Variants in TLE6 observed in about 807,000 individuals in gnomAD.
TLE6 encodes TLE family member 6, subcortical maternal complex member, also known as transducin-like enhancer protein 6.
TLE6 carries 72 observed loss-of-function variants against 77.1 expected under a neutral mutation model. The ratio of observed to expected loss-of-function variants is 0.93; its 90% CI spans 0.77 to 1.14. The LOEUF is 1.14. Ranked by LOEUF, TLE6 falls within the 50% of genes most tolerant of loss-of-function variation. The probability of loss-of-function intolerance (pLI) is 0.00; values close to 1 mark genes in which losing one functional copy is unlikely to be tolerated. For missense variants in TLE6, 843 were observed against 747.6 expected (o/e 1.13, Z -1.49); for synonymous variants, 366 against 287.3 (o/e 1.27, Z -2.77).
rs372329558 is a variant in TLE6, at chr19:2,995,046, TCC to T, written c.*49_*50del. On this transcript the variant is annotated 3_prime_UTR_variant, in exon 17 of 17. Coordinates refer to ENST00000246112, the MANE Select transcript of TLE6 (RefSeq NM_001143986.2). ...CATCCCACTCCGGCTCCTCTTTTCA[TCC>T]CCCCCCTTCCCCCCCCCCAACAAGG... The T allele has an allele frequency of 5.0e-6, 5 of 996,058 alleles. No homozygotes were observed. The African/African-American group carries it at 9.4e-5, about 19-fold the overall frequency. The allele number at this position is 996,058 out of a possible 1,614,324, so 61.7% of individuals were successfully genotyped here. A position where few individuals can be genotyped will look rare whatever the true frequency, so the allele number is the denominator to read the frequency against.
intron 13 of TLE6, 65 bp downstream of exon 13, chr19:2,989,850 C>G (rs2089006010): frequency 6.3e-7 from 1 of 1,584,826 alleles, no homozygotes; most frequent in Non-Finnish European, 8.6e-7. Context: ...CTCTGCCCAC[C>G]TTACTGCTAC....
intron 2 of TLE6, among the ~76,000 whole-genome samples, chr19:2,979,103 A>C (rs2088741678): frequency 6.6e-6 from 1 of 151,326 alleles, no homozygotes; most frequent in Non-Finnish European, 1.5e-5. Flanking sequence ...AGCACCTGCC[A>C]CCATGACCAC....
Position 2,988,111 on chromosome 19 carries a change from T to C in TLE6, c.723T>C (p.Ser241=), listed in dbSNP as rs1163885742. The C allele has an allele frequency of 6.4e-7, 1 of 1,551,930 alleles. No homozygotes were observed. Among genetic ancestry groups the C allele is most frequent in the South Asian group, 1.2e-5 (1 of 84,114 alleles). The change falls in exon 11 of 17, where the codon TCT becomes TCC. Residue 241 remains serine (S), a synonymous_variant. Transcript: ENST00000246112. ...TGCAGGAGCCTCCTGGAAGAGCCTCTCGGTTTCTACAGTCCATGTAAGTGT... is the reference window on the plus strand; with the variant it reads ...TGCAGGAGCCTCCTGGAAGAGCCTCCCGGTTTCTACAGTCCATGTAAGTGT... The part of the protein sequence containing the change: ...GVVQEPPGRA[S]RFLQSISWDP...
chr19:2,981,049 T>TCA (rs1555683840), intron 3 of TLE6, among the ~76,000 whole-genome samples: 1 of 141,762 alleles, frequency 7.1e-6, no homozygotes, highest in African/African-American at 2.6e-5. Context: ...AGATTCTGTT[T>TCA]AAAAAAAAAA....
At chr19:2,994,803 T>G (rs920055434) in intron 16 of TLE6, 97 bp from the exon 17 acceptor site, 41 of 687,460 alleles carry the variant, frequency 6.0e-5, no homozygotes, top group Non-Finnish European at 8.9e-5. Flanking sequence ...GACCCTGTCT[T>G]TCTTTGAAGA....
chr19:2,981,725 C>G, intron 4 of TLE6, 142 bp downstream of exon 4: 2 of 932,560 alleles, frequency 2.1e-6, no homozygotes, highest in East Asian at 2.7e-5. Context: ...AATCCCAGCA[C>G]TATGGGAGGG....
intron 14 of TLE6, among the ~76,000 whole-genome samples, 154 bp from the exon 15 acceptor site, chr19:2,993,278 T>G (rs2089126195): frequency 6.6e-6 from 1 of 152,162 alleles, no homozygotes; most frequent in African/African-American, 2.4e-5. Flanking sequence ...ACCAACAAAC[T>G]GAGGCACAGA....
chr19:2,991,035 TAC>T (rs1465153708), intron 13 of TLE6, among the ~76,000 whole-genome samples: 19,660 of 139,226 alleles, frequency 0.14, 1,665 homozygotes, highest in Non-Finnish European at 0.2. Flanking sequence ...CATACATACA[TAC>T]ATACATATAT....
intron 11 of TLE6, 126 bp downstream of exon 11, chr19:2,988,254 C>T (rs752507729): frequency 1.8e-4 from 190 of 1,056,392 alleles, no homozygotes; most frequent in Non-Finnish European, 2.5e-4. Context: ...CTTTTCCCAT[C>T]ACTACTCTGC....
Position 2,994,073 on chromosome 19 carries a change from C to G in TLE6, c.1592C>G (p.Pro531Arg). 6.2e-7 allele frequency: 1 copy of G among 1,606,474 alleles called. No individual in the cohort carries two copies. Reference sequence around the variant, plus strand: ...GACTTCCTTGGCGTCTACAGCATGCCGGCGGGGACAAAAGTGTTCGAGGTA... The same window carrying G: ...GACTTCCTTGGCGTCTACAGCATGCGGGCGGGGACAAAAGTGTTCGAGGTA... ...MDDFLGVYSM[P>R]AGTKVFEVPE... The change falls in exon 16 of 17, where the codon CCG becomes CGG. Residue 531 changes from proline (P) to arginine (R), a missense_variant. By Grantham distance (103) the Pro-to-Arg change is moderately radical. Transcript: ENST00000246112.
chr19:2,983,839 TGAG>T (rs945801615), intron 5 of TLE6: 3 of 152,454 alleles, frequency 2.0e-5, no homozygotes, highest in Non-Finnish European at 4.4e-5. Context: ...TGCTTAGTGA[TGAG>T]AAGTAATTGA....
chr19:2,991,819 C>A, intron 13 of TLE6, 24 bp from the exon 14 acceptor site: 2 of 1,611,928 alleles, frequency 1.2e-6, no homozygotes, highest in Non-Finnish European at 1.7e-6. Context: ...GACCTGATTG[C>A]CTCCCGATGT....
At chr19:2,986,741 C>T (rs764673021) in intron 5 of TLE6, 88 bp from the exon 6 acceptor site, 1 of 1,306,434 alleles carries the variant, frequency 7.7e-7, no homozygotes, top group Non-Finnish European at 1.1e-6. Flanking sequence ...GATATACCTT[C>T]TTCTACAGGT....
chr19:2,981,665 G>C, intron 4 of TLE6, 82 bp downstream of exon 4: 1 of 1,412,848 alleles, frequency 7.1e-7, no homozygotes, highest in Non-Finnish European at 9.8e-7. Context: ...CCTGCCTCCT[G>C]AGTGCCCTAG....
intron 13 of TLE6, among the ~76,000 whole-genome samples, chr19:2,991,391 T>TACACAC (rs1362277911): frequency 1.3e-3 from 144 of 114,830 alleles, no homozygotes; most frequent in African/African-American, 5.1e-3. Context: ...TATATATATA[T>TACACAC]ATATACACAC....
intron 2 of TLE6, 50 bp downstream of exon 2, chr19:2,978,334 A>T: frequency 6.5e-7 from 1 of 1,541,872 alleles, no homozygotes; most frequent in Non-Finnish European, 8.8e-7. Context: ...CCCGGGCCCA[A>T]TGTGGTTCTG....
rs748328533 is a variant in TLE6 at position 2,989,606 on chromosome 19, C to T, written c.1065C>T (p.Asn355=). 7 of 1,613,948 alleles carry T rather than the reference C, an allele frequency of 4.3e-6. No individual in the cohort carries two copies. The African/African-American group carries it at 8.0e-5, about 18-fold the overall frequency. The change falls in exon 13 of 17, where the codon AAC becomes AAT. Residue 355 remains asparagine, a synonymous_variant. Transcript: ENST00000246112. ...NSRSLLTGGY[N]LASVSVWDLA... ...GGAGCCTGCTCACCGGTGGCTACAACCTGGCCAGCGTGAGCGTGTGGGACC... is the reference window on the plus strand; with the variant it reads ...GGAGCCTGCTCACCGGTGGCTACAATCTGGCCAGCGTGAGCGTGTGGGACC...
chr19:2,985,947 C>A (rs565570202), intron 5 of TLE6, among the ~76,000 whole-genome samples: 2 of 150,240 alleles, frequency 1.3e-5, no homozygotes, highest in Non-Finnish European at 3.0e-5. Context: ...TAGTGGCACA[C>A]GCCTGTAATC....
chr19:2,992,959 C>T lies in TLE6; in HGVS notation c.1387-473C>T, dbSNP rs909360806. Among the ~76,000 whole-genome samples the T allele has an allele frequency of 4.4e-4, 58 of 132,818 alleles. 1 individual carries two copies. Among genetic ancestry groups the T allele is most frequent in the Admixed American group, 4.0e-3 (46 of 11,582 alleles). The allele number at this position is 132,818 out of a possible 152,430, so 87.1% of individuals were successfully genotyped here. On this transcript the variant is annotated intron_variant, in intron 14 of 16. Coordinates refer to ENST00000246112, the MANE Select transcript of TLE6 (RefSeq NM_001143986.2). ...ATCCCAGCCCTTTGGGAGGCCAAGG[C>T]GGGTGGATCATTTGAGGTCAGAAGT...
Sources: allele counts gnomAD v4.1 joint callset (sites outside exome capture counted in the v4.1 genomes callset), GRCh38; gene constraint gnomAD v4.1.1; transcripts MANE v1.5; gene names NCBI Gene and HGNC (gene_info 2026-07-23, HGNC 2026-07-21).